LIMD1: variants seen among roughly 807,000 people sequenced by gnomAD.
LIMD1 encodes the protein LIM domain-containing protein 1.
In LIMD1, 23 loss-of-function variants were observed where a neutral mutation model predicts 58.4. The ratio of observed to expected loss-of-function variants is 0.39; its 90% CI spans 0.28 to 0.56. The LOEUF (loss-of-function observed/expected upper bound fraction) is 0.56. Ranked by LOEUF, LIMD1 falls within the 20% of genes least tolerant of loss-of-function variation. The pLI is 0.57. For missense variants in LIMD1, 838 were observed against 855.5 expected (o/e 0.98, Z 0.25); for synonymous variants, 334 against 345.5 (o/e 0.97, Z 0.37).
chr3:45,615,260 A>G (rs186219948), intron 1 of LIMD1, among the ~76,000 whole-genome samples: 21 of 152,336 alleles, frequency 1.4e-4, no homozygotes, highest in Non-Finnish European at 2.6e-4. Context: ...TTATTTTAAC[A>G]AGGTCTGTTT....
chr3:45,676,913 T>A lies in LIMD1; in HGVS notation c.1894-9T>A. ...TTTGCTTCCCCTGGACATGTCTGCCTCCCCACAGGACTGTGGTCTGGAGCT... is the reference window on the plus strand; with the variant it reads ...TTTGCTTCCCCTGGACATGTCTGCCACCCCACAGGACTGTGGTCTGGAGCT... On this transcript the variant is annotated splice_polypyrimidine_tract_variant and intron_variant, in intron 7 of 7. Coordinates refer to ENST00000273317, the MANE Select transcript of LIMD1 (RefSeq NM_014240.3). 1 of 1,613,934 alleles carries A rather than the reference T, an allele frequency of 6.2e-7. No homozygotes were observed. Among genetic ancestry groups the A allele is most frequent in the Non-Finnish European group, 8.5e-7 (1 of 1,179,866 alleles).
intron 2 of LIMD1, among the ~76,000 whole-genome samples, chr3:45,645,766 T>C (rs1174552081): frequency 6.6e-6 from 1 of 152,132 alleles, no homozygotes; most frequent in African/African-American, 2.4e-5. Flanking sequence ...GTATCCCTTC[T>C]TCATGTGTCT....
chr3:45,671,635 C>T (rs987664621), intron 4 of LIMD1, among the ~76,000 whole-genome samples: 3 of 152,182 alleles, frequency 2.0e-5, no homozygotes, highest in African/African-American at 7.2e-5. Context: ...TCGAGTTAAA[C>T]CAATGATCCT....
chr3:45,675,036 G>T (rs2125671230), intron 7 of LIMD1, among the ~76,000 whole-genome samples: 1 of 152,356 alleles, frequency 6.6e-6, no homozygotes, highest in African/African-American at 2.4e-5. Flanking sequence ...CCCATGGAAG[G>T]AGATTAGATT....
chr3:45,645,156 G>A (rs1701888400), intron 2 of LIMD1, among the ~76,000 whole-genome samples: 1 of 152,202 alleles, frequency 6.6e-6, no homozygotes, highest in South Asian at 2.1e-4. Context: ...TGGCCAGAGG[G>A]CTGCAGGGAT....
At position 45,677,191 on chromosome 3, in the gene LIMD1, G is replaced by T. The variant is rs368224568; in HGVS notation, c.*132G>T. ...GGAGGGAGAGTTCCTGTGAGCATGT[G>T]GGGGGTGCCTTTCCTTTAACCAGGG... On this transcript the variant is annotated 3_prime_UTR_variant, in exon 8 of 8. Coordinates refer to ENST00000273317, the MANE Select transcript of LIMD1 (RefSeq NM_014240.3). 4,082 of 977,896 alleles carry T rather than the reference G, an allele frequency of 4.2e-3. 158 individuals carry two copies. In the South Asian group the frequency reaches 0.06, roughly 14 times the overall value. 60.6% of individuals were successfully genotyped at this position (977,896 alleles called of 1,614,324 possible).
At chr3:45,615,503 C>T (rs755947200) in intron 1 of LIMD1, among the ~76,000 whole-genome samples, 1 of 152,112 alleles carries the variant, frequency 6.6e-6, no homozygotes, top group Non-Finnish European at 1.5e-5. Context: ...GCAGTAATCC[C>T]AGCACTTTGG....
At chr3:45,643,016 G>T (rs1701863012) in intron 2 of LIMD1, among the ~76,000 whole-genome samples, 1 of 152,324 alleles carries the variant, frequency 6.6e-6, no homozygotes, top group African/African-American at 2.4e-5. Flanking sequence ...CCCTGGAGTG[G>T]GAGGGAGGTC....
chr3:45,603,446 A>C (rs73830438), intron 1 of LIMD1, among the ~76,000 whole-genome samples: 2,020 of 152,050 alleles, frequency 0.013, 59 homozygotes, highest in African/African-American at 0.046. Context: ...AGTGACTGGC[A>C]TGACTAGATA....
intron 3 of LIMD1, 31 bp downstream of exon 3, chr3:45,665,748 T>C (rs910181832): frequency 1.0e-5 from 16 of 1,602,372 alleles, no homozygotes; most frequent in Non-Finnish European, 1.4e-5. Context: ...TCCCCTTGCA[T>C]GTCCTGGCCA....
At chr3:45,670,682 GTTAA>G (rs1697576951) in intron 4 of LIMD1, among the ~76,000 whole-genome samples, 1 of 152,178 alleles carries the variant, frequency 6.6e-6, no homozygotes, top group Non-Finnish European at 1.5e-5. Context: ...TCTGCTTTCT[GTTAA>G]TTAAAGAAAG....
intron 5 of LIMD1, among the ~76,000 whole-genome samples, 190 bp downstream of exon 5, chr3:45,673,010 G>C (rs148562512): frequency 2.6e-4 from 40 of 151,996 alleles, no homozygotes; most frequent in African/African-American, 9.7e-4. Context: ...TGACAGGAAT[G>C]GGTTAAAGAA....
At chr3:45,600,682 C>T (rs1701403256) in intron 1 of LIMD1, among the ~76,000 whole-genome samples, 1 of 152,176 alleles carries the variant, frequency 6.6e-6, no homozygotes, top group Non-Finnish European at 1.5e-5. Context: ...GTGCAGAGGG[C>T]ACCGTGCCTT....
At chr3:45,672,905 G>A (rs1697611064) in intron 5 of LIMD1, 85 bp downstream of exon 5, 3 of 1,515,292 alleles carry the variant, frequency 2.0e-6, no homozygotes, top group African/African-American at 2.7e-5. Flanking sequence ...CGACAAAACT[G>A]TGTTTGCCAG....
intron 2 of LIMD1, among the ~76,000 whole-genome samples, chr3:45,662,691 TA>T (rs1280886531): frequency 1.3e-5 from 2 of 152,232 alleles, no homozygotes; most frequent in Non-Finnish European, 2.9e-5. Context: ...AAACATACAG[TA>T]CTAGTTTACA....
intron 1 of LIMD1, among the ~76,000 whole-genome samples, chr3:45,617,529 T>C (rs929972741): frequency 3.3e-4 from 50 of 152,320 alleles, no homozygotes; most frequent in Middle Eastern, 6.8e-3. Context: ...TCAAGCACAG[T>C]TGTGCCAGGT....
intron 6 of LIMD1, 157 bp downstream of exon 6, chr3:45,673,662 C>T (rs1375487710): frequency 6.5e-6 from 4 of 613,518 alleles, no homozygotes; most frequent in Non-Finnish European, 8.2e-6. Context: ...CCTGTAATCC[C>T]ACCCCTTTTA....
chr3:45,604,619 G>A (rs145807870), intron 1 of LIMD1, among the ~76,000 whole-genome samples: 7 of 152,158 alleles, frequency 4.6e-5, no homozygotes, highest in South Asian at 4.2e-4. Flanking sequence ...CTTCTTCCCC[G>A]TCATCCCAGC....
At chr3:45,618,260 G>A (rs1039319709) in intron 1 of LIMD1, among the ~76,000 whole-genome samples, 18 of 152,198 alleles carry the variant, frequency 1.2e-4, no homozygotes, top group African/African-American at 4.3e-4. Context: ...CAGATTGCGT[G>A]CGTCATTCAT....
Sources: gnomAD v4.1 joint callset for allele counts (sites outside exome capture counted in the v4.1 genomes callset) on GRCh38, gnomAD v4.1.1 for gene constraint, MANE v1.5 for transcripts, NCBI Gene and HGNC (gene_info 2026-07-23, HGNC 2026-07-21) for gene names.